Variants in ATP6V0A4 observed in about 807,000 individuals in gnomAD.
The protein encoded by ATP6V0A4 is ATPase H+ transporting V0 subunit a4.
ATP6V0A4 carries 86 observed loss-of-function variants against 107.3 expected under a neutral mutation model. That is an observed-to-expected ratio of 0.80 (90% CI 0.67 to 0.96). The LOEUF (loss-of-function observed/expected upper bound fraction) is 0.96, where lower values mean the gene tolerates loss of function less well. ATP6V0A4 is among the 40% of genes least tolerant of loss of function. The pLI is 0.00. For synonymous variants in ATP6V0A4, 353 were observed against 381.4 expected, an observed-to-expected ratio of 0.93 and a Z score of 0.87; for missense variants, 908 against 1,045.6, an observed-to-expected ratio of 0.87 and a Z score of 1.81.
intron 21 of ATP6V0A4, among the ~76,000 whole-genome samples, chr7:138,707,282 A>AT (rs1803473036): frequency 2.3e-5 from 2 of 88,396 alleles, no homozygotes; most frequent in Admixed American, 4.0e-4. Flanking sequence ...TATTCTATAT[A>AT]ATAATTATAT....
At chr7:138,777,148 C>A (rs372987324) in intron 2 of ATP6V0A4, among the ~76,000 whole-genome samples, 23 of 147,926 alleles carry the variant, frequency 1.6e-4, no homozygotes, top group African/African-American at 1.5e-4. Context: ...GACTCCGTCT[C>A]AAAAAAAAAA....
chr7:138,795,934 C>T (rs565056145), intron 1 of ATP6V0A4, among the ~76,000 whole-genome samples: 3 of 152,146 alleles, frequency 2.0e-5, no homozygotes, highest in Non-Finnish European at 2.9e-5. Flanking sequence ...GGATGACAGG[C>T]GTGTGCCAAT....
chr7:138,776,846 C>T (rs1688014337), intron 2 of ATP6V0A4, among the ~76,000 whole-genome samples: 1 of 152,134 alleles, frequency 6.6e-6, no homozygotes, highest in African/African-American at 2.4e-5. Flanking sequence ...AAGAGGCTTA[C>T]TTAGAAAGTG....
intron 7 of ATP6V0A4, among the ~76,000 whole-genome samples, chr7:138,761,339 A>AC (rs1307076495): frequency 6.6e-6 from 1 of 151,920 alleles, no homozygotes; most frequent in African/African-American, 2.4e-5. Context: ...GTCAAAAAAA[A>AC]ACACACAAAT....
At chr7:138,734,777 CAAAAAAAAAAAA>C (rs528307650) in intron 15 of ATP6V0A4, among the ~76,000 whole-genome samples, 1 of 108,978 alleles carries the variant, frequency 9.2e-6, no homozygotes, top group Non-Finnish European at 1.9e-5. Flanking sequence ...GACTCTGTCT[CAAAAAAAAAAAA>C]AAAAAAAAAA....
At chr7:138,707,784 C>A (rs1803522376) in intron 21 of ATP6V0A4, among the ~76,000 whole-genome samples, 2 of 151,060 alleles carry the variant, frequency 1.3e-5, no homozygotes, top group South Asian at 4.2e-4. Flanking sequence ...TTCCTCCAGG[C>A]CTCTCTGCTT....
chr7:138,709,208 C>CAAAA (rs60144433), intron 21 of ATP6V0A4, among the ~76,000 whole-genome samples: 17 of 49,260 alleles, frequency 3.5e-4, no homozygotes, highest in Non-Finnish European at 5.1e-4. Flanking sequence ...GAGCCTGTCT[C>CAAAA]AAAAAAAAAA....
intron 4 of ATP6V0A4, 79 bp downstream of exon 4, chr7:138,769,094 C>T: frequency 6.3e-7 from 1 of 1,594,812 alleles, no homozygotes; most frequent in South Asian, 1.1e-5. Context: ...CACATTTGTT[C>T]ATTAAGTCCT....
intron 1 of ATP6V0A4, among the ~76,000 whole-genome samples, chr7:138,795,862 G>A (rs1329313651): frequency 6.6e-6 from 1 of 151,942 alleles, no homozygotes; most frequent in Non-Finnish European, 1.5e-5. Flanking sequence ...ACTATGTTGT[G>A]CAGGCTGGTC....
intron 2 of ATP6V0A4, 112 bp from the exon 3 acceptor site, chr7:138,771,376 GGA>G: frequency 8.0e-7 from 1 of 1,254,400 alleles, no homozygotes; most frequent in Non-Finnish European, 1.1e-6. Context: ...AAATCCATTA[GGA>G]ATCACTTCTG....
intron 7 of ATP6V0A4, among the ~76,000 whole-genome samples, chr7:138,761,211 T>G (rs1367367495): frequency 6.6e-6 from 1 of 152,108 alleles, no homozygotes; most frequent in Non-Finnish European, 1.5e-5. Context: ...ATTGTGCCTG[T>G]GGTCCAGCTA....
intron 10 of ATP6V0A4, among the ~76,000 whole-genome samples, chr7:138,753,413 AC>A (rs1806334296): frequency 2.0e-5 from 3 of 152,104 alleles, no homozygotes; most frequent in Admixed American, 2.0e-4. Context: ...TTGATTTCAG[AC>A]CTCTGGCCTC....
Position 138,729,518 on chromosome 7 carries a change from G to T in ATP6V0A4, c.1909-656C>A. ...CTTCCCTTTGGAGTGAGGCAGCTGC[G>T]GTCTTCAGGCCTCTGCTGAAACCCT... is the stretch of plus-strand genomic sequence containing the variant. On this transcript the variant is annotated intron_variant, in intron 17 of 21. Transcript: ENST00000310018. 2.0e-5 allele frequency among the ~76,000 whole-genome samples: 3 copies of T among 152,158 alleles called. No homozygotes were observed. The South Asian group carries it at 6.2e-4, about 32-fold the overall frequency.
At position 138,762,891 on chromosome 7, in the gene ATP6V0A4, C is replaced by A. The variant is rs762191582; in HGVS notation, c.417+9G>T. On this transcript the variant is annotated intron_variant, in intron 6 of 21. Transcript: ENST00000310018. Reference sequence around the variant, plus strand: ...CGGGCCCTTTAGTAACTCATCCCCACGTGACCACCTCAAAGAAGTCTTGGG... The same window carrying A: ...CGGGCCCTTTAGTAACTCATCCCCAAGTGACCACCTCAAAGAAGTCTTGGG... 1 of 1,613,844 alleles carries A rather than the reference C, an allele frequency of 6.2e-7. No individual in the cohort carries two copies. Among genetic ancestry groups the A allele is most frequent in the Admixed American group, 1.7e-5 (1 of 59,998 alleles).
At chr7:138,711,309 C>T (rs949215367) in intron 20 of ATP6V0A4, among the ~76,000 whole-genome samples, 2 of 152,160 alleles carry the variant, frequency 1.3e-5, no homozygotes, top group Non-Finnish European at 2.9e-5. Flanking sequence ...GCTAACTGCC[C>T]TACAAGGGCT....
rs370087008 is a variant in ATP6V0A4, at chr7:138,784,291, C to T, written c.-18+1867G>A. On this transcript the variant is annotated intron_variant, in intron 2 of 21. Transcript: ENST00000310018. Reference sequence around the variant, plus strand: ...ACATATATATATATACATATATATACACACACACACACACACATATATATA... The same window carrying T: ...ACATATATATATATACATATATATATACACACACACACACACATATATATA... Among the ~76,000 whole-genome samples, 202 of 58,164 alleles carry T rather than the reference C, an allele frequency of 3.5e-3. 4 individuals carry two copies. In the East Asian group the frequency reaches 0.037, roughly 11 times the overall value. 38.2% of individuals were successfully genotyped at this position (58,164 alleles called of 152,430 possible).
intron 17 of ATP6V0A4, among the ~76,000 whole-genome samples, chr7:138,731,590 A>G (rs368164962): frequency 3.0e-3 from 457 of 152,230 alleles, no homozygotes; most frequent in African/African-American, 0.01. Context: ...GGATTTGTAT[A>G]CCTTTTAAAA....
At chr7:138,759,667 T>A (rs914270446) in intron 8 of ATP6V0A4, 85 bp downstream of exon 8, 6 of 1,411,130 alleles carry the variant, frequency 4.3e-6, no homozygotes, top group Non-Finnish European at 5.0e-6. Flanking sequence ...AAACTAAAGA[T>A]CCCCCATGTT....
chr7:138,709,745 G>A lies in ATP6V0A4; in HGVS notation c.2308C>T (p.Arg770Ter), dbSNP rs754517968. ...ACCCCGACGATTCCTCCCCAGCCTC[G>A]CGTCTGAAGGCCGCTGTTCATCACC... ...TMVMNSGLQT[R>*]GWGGIVGVFI... The change falls in exon 21 of 22, where the codon CGA becomes TGA. Residue 770 changes from arginine to a stop codon, truncating the protein, a stop_gained. Coordinates refer to ENST00000310018, the MANE Select transcript of ATP6V0A4 (RefSeq NM_020632.3). LOFTEE classifies it high-confidence loss of function. 4.1e-5 allele frequency: 66 copies of A among 1,613,906 alleles called. No individual in the cohort carries two copies. The highest frequency in any genetic ancestry group is 1.6e-4 in the Middle Eastern group (1 of 6,082).
Sources: allele counts gnomAD v4.1 joint callset (sites outside exome capture counted in the v4.1 genomes callset), GRCh38; gene constraint gnomAD v4.1.1; transcripts MANE v1.5; gene names NCBI Gene and HGNC (gene_info 2026-07-23, HGNC 2026-07-21).